The following CLSTN2 variants were observed in gnomAD, a reference collection of about 807,000 sequenced individuals.
CLSTN2 encodes calsyntenin 2.
CLSTN2 carries 48 observed loss-of-function variants against 101.2 expected under a neutral mutation model. That is an observed-to-expected ratio of 0.47 (90% CI 0.38 to 0.60). CLSTN2 has a LOEUF of 0.60. Among genes scored for constraint, CLSTN2 ranks in the 20% least tolerant of loss-of-function variants. The pLI is 0.00. For synonymous variants in CLSTN2, 481 were observed against 463.6 expected (o/e 1.04, Z -0.48); for missense variants, 1,160 against 1,238.2 (o/e 0.94, Z 0.95).
chr3:140,301,852 C>T (rs6439916), intron 2 of CLSTN2, among the ~76,000 whole-genome samples: 93,484 of 151,952 alleles, frequency 0.62, 29,054 homozygotes, highest in Non-Finnish European at 0.68. Flanking sequence ...AAATGGGAAA[C>T]GTCACAGCAA....
chr3:140,311,731 G>A (rs1171162613), intron 2 of CLSTN2, among the ~76,000 whole-genome samples: 1 of 152,118 alleles, frequency 6.6e-6, no homozygotes, highest in East Asian at 1.9e-4. Flanking sequence ...TCCTGAGGAG[G>A]AAAGTGAGAC....
chr3:140,310,337 G>A (rs1312303949), intron 2 of CLSTN2, among the ~76,000 whole-genome samples: 2 of 149,928 alleles, frequency 1.3e-5, no homozygotes, highest in East Asian at 3.9e-4. Context: ...AGCCTCTGTC[G>A]CACCTCTACC....
At chr3:140,257,563 T>G (rs1039202889) in intron 2 of CLSTN2, among the ~76,000 whole-genome samples, 36 of 65,416 alleles carry the variant, frequency 5.5e-4, no homozygotes, top group Middle Eastern at 5.9e-3. Context: ...TTTCTAGGGG[T>G]GTGTGTGTGT....
At chr3:140,151,834 G>A (rs1576446985) in intron 1 of CLSTN2, among the ~76,000 whole-genome samples, 1 of 152,318 alleles carries the variant, frequency 6.6e-6, no homozygotes, top group East Asian at 1.9e-4. Context: ...TGGGGACTTG[G>A]CCTAAGCAGT....
chr3:140,303,765 C>T (rs933250541), intron 2 of CLSTN2, among the ~76,000 whole-genome samples: 1 of 151,890 alleles, frequency 6.6e-6, no homozygotes, highest in African/African-American at 2.4e-5. Flanking sequence ...AGGATGTAGG[C>T]AGTGCTCCTG....
chr3:140,078,226 C>A (rs893618573), intron 1 of CLSTN2, among the ~76,000 whole-genome samples: 2 of 152,160 alleles, frequency 1.3e-5, no homozygotes, highest in Non-Finnish European at 2.9e-5. Flanking sequence ...CTTAACCTTT[C>A]ATTGGTGCTT....
intron 1 of CLSTN2, among the ~76,000 whole-genome samples, chr3:139,941,517 A>G (rs910116346): frequency 6.6e-6 from 1 of 152,232 alleles, no homozygotes; most frequent in Non-Finnish European, 1.5e-5. Context: ...TGCACATCAC[A>G]CATCACACAA....
intron 4 of CLSTN2, among the ~76,000 whole-genome samples, chr3:140,414,628 C>T (rs2088406166): frequency 6.6e-6 from 1 of 151,976 alleles, no homozygotes; most frequent in Non-Finnish European, 1.5e-5. Flanking sequence ...ATGTACACTA[C>T]TTGGATGATA....
chr3:140,088,095 C>T (rs1313467660), intron 1 of CLSTN2, among the ~76,000 whole-genome samples: 2 of 152,120 alleles, frequency 1.3e-5, no homozygotes, highest in African/African-American at 4.8e-5. Flanking sequence ...ACATCTCTAA[C>T]ACAATGGATT....
intron 2 of CLSTN2, among the ~76,000 whole-genome samples, chr3:140,250,521 TG>T (rs2086554323): frequency 6.6e-6 from 1 of 152,310 alleles, no homozygotes; most frequent in South Asian, 2.1e-4. Context: ...TTCAATTACT[TG>T]TTAGAAGTCA....
chr3:140,110,519 T>C (rs986140559), intron 1 of CLSTN2, among the ~76,000 whole-genome samples: 1 of 152,266 alleles, frequency 6.6e-6, no homozygotes, highest in African/African-American at 2.4e-5. Context: ...ACTTTGCTAT[T>C]CCTTCAAAAG....
At chr3:139,966,467 GC>G (rs960831803) in intron 1 of CLSTN2, among the ~76,000 whole-genome samples, 7 of 152,112 alleles carry the variant, frequency 4.6e-5, no homozygotes, top group Non-Finnish European at 8.8e-5. Context: ...GGTTTCCTCT[GC>G]CTGGGATAGT....
chr3:140,421,376 A>G (rs2088504502), intron 5 of CLSTN2, 102 bp downstream of exon 5: 4 of 1,329,074 alleles, frequency 3.0e-6, no homozygotes, highest in Non-Finnish European at 3.1e-6. Context: ...TTTTTAAAGT[A>G]CAGTCACTTT....
chr3:140,208,528 G>A (rs945829675), intron 2 of CLSTN2, among the ~76,000 whole-genome samples: 2 of 152,120 alleles, frequency 1.3e-5, no homozygotes, highest in Non-Finnish European at 2.9e-5. Context: ...TGCTTAGGAT[G>A]TCTGTTCTCA....
intron 6 of CLSTN2, among the ~76,000 whole-genome samples, chr3:140,451,174 T>A (rs116543670): frequency 3.3e-5 from 5 of 152,206 alleles, no homozygotes; most frequent in African/African-American, 9.6e-5. Context: ...TAGGAAGAGA[T>A]GATGGGATCA....
intron 1 of CLSTN2, among the ~76,000 whole-genome samples, chr3:140,110,309 A>C (rs1476674999): frequency 6.6e-6 from 1 of 152,202 alleles, no homozygotes. Flanking sequence ...ATTATTAACA[A>C]AGGAAATTTT....
At chr3:140,035,626 GTT>G (rs1367686956) in intron 1 of CLSTN2, among the ~76,000 whole-genome samples, 1 of 152,182 alleles carries the variant, frequency 6.6e-6, no homozygotes, top group Admixed American at 6.5e-5. Flanking sequence ...TCATAGGGTT[GTT>G]TTGTGGATTA....
At chr3:140,509,918 G>C (rs1158183040) in intron 8 of CLSTN2, among the ~76,000 whole-genome samples, 4 of 152,164 alleles carry the variant, frequency 2.6e-5, no homozygotes, top group African/African-American at 9.7e-5. Flanking sequence ...TTATAATGGG[G>C]TTGTTTTCCA....
At position 140,305,023 on chromosome 3, in the gene CLSTN2, G is replaced by GACACAC. The variant is rs374893786; in HGVS notation, c.233-98579_233-98574dup. Reference sequence around the variant, plus strand: ...GACATAGCTGTCACACACACACAGAGACACACACACACACACACACACACA... The same window carrying GACACAC: ...GACATAGCTGTCACACACACACAGAGACACACACACACACACACACACACACACACA... On this transcript the variant is annotated intron_variant, in intron 2 of 16. Coordinates refer to ENST00000458420, the MANE Select transcript of CLSTN2 (RefSeq NM_022131.3). Among the ~76,000 whole-genome samples the GACACAC allele has an allele frequency of 3.7e-3, 525 of 143,144 alleles. 2 individuals are homozygous for GACACAC. The highest frequency in any genetic ancestry group is 0.013 in the African/African-American group (495 of 38,278). The allele number at this position is 143,144 out of a possible 152,430, so 93.9% of individuals were successfully genotyped here. A position where few individuals can be genotyped will look rare whatever the true frequency, so the allele number is the denominator to read the frequency against.
Sources: allele counts gnomAD v4.1 joint callset (sites outside exome capture counted in the v4.1 genomes callset), GRCh38; gene constraint gnomAD v4.1.1; transcripts MANE v1.5; gene names NCBI Gene and HGNC (gene_info 2026-07-23, HGNC 2026-07-21).